ZNF362: variants seen among roughly 807,000 people sequenced by gnomAD.
ZNF362 encodes rotund homolog.
In ZNF362, 11 loss-of-function variants were observed where a neutral mutation model predicts 42.9. The observed-to-expected ratio is 0.26, with a 90% CI of 0.16 to 0.42. The LOEUF (loss-of-function observed/expected upper bound fraction) is 0.42. Among genes scored for constraint, ZNF362 ranks in the 20% least tolerant of loss-of-function variants. The probability of loss-of-function intolerance (pLI) is 1.00; values close to 1 mark genes in which losing one functional copy is unlikely to be tolerated. For missense variants in ZNF362, 362 were observed against 576.2 expected, an observed-to-expected ratio of 0.63 and a Z score of 3.81; for synonymous variants, 255 against 257.3, an observed-to-expected ratio of 0.99 and a Z score of 0.09.
chr1:33,189,691 A>ATATATATG, the ZNF362 span, among the ~76,000 whole-genome samples: 1 of 34,030 alleles, frequency 2.9e-5, no homozygotes, highest in Non-Finnish European at 6.1e-5. Context: ...ATACGTATAT[A>ATATATATG]TATATACACA....
chr1:33,239,442 T>G, the ZNF362 span, among the ~76,000 whole-genome samples: 1 of 152,198 alleles, frequency 6.6e-6, no homozygotes, highest in Non-Finnish European at 1.5e-5. Flanking sequence ...AGAATGATAG[T>G]GTATTAGTCC....
At chr1:33,219,446 T>G in the ZNF362 span, among the ~76,000 whole-genome samples, 1 of 152,078 alleles carries the variant, frequency 6.6e-6, no homozygotes, top group Non-Finnish European at 1.5e-5. Flanking sequence ...CTGGGTAGTA[T>G]GGAGGGAGAT....
the ZNF362 span, among the ~76,000 whole-genome samples, chr1:33,175,505 C>T: frequency 6.6e-6 from 1 of 152,162 alleles, no homozygotes. Flanking sequence ...TAACCCTGGG[C>T]AAGGCAGTTT....
chr1:33,276,160 C>T lies in ZNF362; in HGVS notation c.99C>T (p.Ser33=). The T allele has an allele frequency of 6.2e-7, 1 of 1,613,586 alleles. No homozygotes were observed. The highest frequency in any genetic ancestry group is 8.5e-7 in the Non-Finnish European group (1 of 1,179,962). The part of the protein sequence containing the change: ...YFWPPPPTMP[S]QLDNLVLINK... ...GGCCCCCTCCTCCCACCATGCCCAG[C>T]CAGGTAAGACTGACGTCGCCCCTCC... Residue 33 remains serine, a synonymous_variant, in exon 3 of 9, where the codon AGC becomes AGT. Transcript: ENST00000539719.
intron 4 of ZNF362, among the ~76,000 whole-genome samples, chr1:33,278,304 T>G (rs1376351869): frequency 6.6e-6 from 1 of 152,178 alleles, no homozygotes; most frequent in Non-Finnish European, 1.5e-5. Context: ...ACCCATGATT[T>G]TAACTTGCTT....
At chr1:33,175,937 C>T in the ZNF362 span, among the ~76,000 whole-genome samples, 1 of 152,284 alleles carries the variant, frequency 6.6e-6, no homozygotes, top group African/African-American at 2.4e-5. Flanking sequence ...CTTGGGGTCC[C>T]CAATGTTGGC....
chr1:33,260,156 TG>T (rs1334933529), intron 1 of ZNF362, among the ~76,000 whole-genome samples: 1 of 152,266 alleles, frequency 6.6e-6, no homozygotes, highest in Non-Finnish European at 1.5e-5. Context: ...GCAAATGATC[TG>T]GGCACCCTGA....
At chr1:33,208,219 G>A in the ZNF362 span, among the ~76,000 whole-genome samples, 2 of 152,068 alleles carry the variant, frequency 1.3e-5, no homozygotes, top group Admixed American at 1.3e-4. Flanking sequence ...GTTTTTGTGG[G>A]GTTTGTCAAA....
intron 8 of ZNF362, among the ~76,000 whole-genome samples, chr1:33,295,570 C>A (rs1434856388): frequency 1.3e-5 from 2 of 151,908 alleles, no homozygotes; most frequent in Admixed American, 6.6e-5. Flanking sequence ...GGAGTACTCA[C>A]AGCAGTGGCA....
the ZNF362 span, among the ~76,000 whole-genome samples, chr1:33,135,508 C>T: frequency 6.6e-6 from 1 of 152,200 alleles, no homozygotes; most frequent in South Asian, 2.1e-4. Flanking sequence ...ATTTCATTCT[C>T]ACAGCAACCC....
the ZNF362 span, among the ~76,000 whole-genome samples, chr1:33,155,523 G>A: frequency 2.0e-5 from 3 of 152,128 alleles, no homozygotes; most frequent in African/African-American, 4.8e-5. Flanking sequence ...CCTTCCTGGT[G>A]TGTGTGAGGT....
chr1:33,135,883 ATGAGGGAG>A, the ZNF362 span, among the ~76,000 whole-genome samples: 1,025 of 152,280 alleles, frequency 6.7e-3, 9 homozygotes, highest in African/African-American at 0.023. Flanking sequence ...AAGCGATTGA[ATGAGGGAG>A]TGAGGGAGTG....
At chr1:33,290,491 CTT>C (rs1159744330) in intron 6 of ZNF362, among the ~76,000 whole-genome samples, 3 of 152,080 alleles carry the variant, frequency 2.0e-5, no homozygotes, top group Non-Finnish European at 4.4e-5. Context: ...GGTTCCAAGT[CTT>C]TGCTATTGTG....
the ZNF362 span, among the ~76,000 whole-genome samples, chr1:33,246,343 T>G: frequency 6.6e-6 from 1 of 152,080 alleles, no homozygotes; most frequent in Non-Finnish European, 1.5e-5. Flanking sequence ...GCCTTGGGTG[T>G]CTCTCGAGGA....
chr1:33,283,671 C>T lies in ZNF362; in HGVS notation c.908+1860C>T, dbSNP rs563709473. 9.9e-5 allele frequency among the ~76,000 whole-genome samples: 15 copies of T among 152,232 alleles called. No individual in the cohort carries two copies. The South Asian group carries it at 3.1e-3, about 32-fold the overall frequency. ...AGTGAGCTGATGTCACACCACTGCA[C>T]TCCAGCCTGGGGGACAGAGTGAGAC... On this transcript the variant is annotated intron_variant, in intron 6 of 8. Transcript: ENST00000539719.
the ZNF362 span, among the ~76,000 whole-genome samples, chr1:33,243,687 C>T: frequency 1.2e-4 from 18 of 151,850 alleles, no homozygotes; most frequent in Admixed American, 3.9e-4. Context: ...AGCTCCGCCT[C>T]CCAGGTTCAT....
intron 1 of ZNF362, among the ~76,000 whole-genome samples, chr1:33,262,367 C>T (rs548171758): frequency 0.021 from 449 of 21,396 alleles, 2 homozygotes; most frequent in African/African-American, 0.059. Flanking sequence ...TGCAGTAGCG[C>T]GATCTCCCCT....
At chr1:33,223,030 A>G in the ZNF362 span, among the ~76,000 whole-genome samples, 729 of 152,186 alleles carry the variant, frequency 4.8e-3, 7 homozygotes, top group African/African-American at 0.017. Context: ...AGGTGGGTGG[A>G]TCACGAGGTC....
the ZNF362 span, among the ~76,000 whole-genome samples, chr1:33,170,772 T>C: frequency 6.6e-6 from 1 of 152,174 alleles, no homozygotes; most frequent in Admixed American, 6.5e-5. Context: ...CTACCACCCA[T>C]TGGGCTGTGT....
Sources: allele counts gnomAD v4.1 joint callset (sites outside exome capture counted in the v4.1 genomes callset), GRCh38; gene constraint gnomAD v4.1.1; transcripts MANE v1.5; gene names NCBI Gene and HGNC (gene_info 2026-07-23, HGNC 2026-07-21).